Variants in CNTNAP5 observed in about 807,000 individuals in gnomAD.
CNTNAP5 encodes the protein contactin-associated protein-like 5.
CNTNAP5 carries 72 observed loss-of-function variants against 150.2 expected under a neutral mutation model. The ratio of observed to expected loss-of-function variants is 0.48; its 90% CI spans 0.40 to 0.58. The LOEUF is 0.58. CNTNAP5 is among the 20% of genes least tolerant of loss of function. The pLI, the probability that CNTNAP5 is intolerant of heterozygous loss-of-function variation, is 0.00. For synonymous variants in CNTNAP5, 672 were observed against 619.8 expected, an observed-to-expected ratio of 1.08 and a Z score of -1.25; for missense variants, 1,636 against 1,626.2, an observed-to-expected ratio of 1.01 and a Z score of -0.10.
chr2:124,606,243 AATT>A (rs1257970422), intron 11 of CNTNAP5, among the ~76,000 whole-genome samples: 1 of 152,186 alleles, frequency 6.6e-6, no homozygotes, highest in Admixed American at 6.5e-5. Context: ...ATGTAGCTAA[AATT>A]ATTATACAAC....
At chr2:124,567,158 G>A (rs918080630) in intron 11 of CNTNAP5, among the ~76,000 whole-genome samples, 9 of 152,158 alleles carry the variant, frequency 5.9e-5, no homozygotes, top group Non-Finnish European at 8.8e-5. Flanking sequence ...AGGACAGATA[G>A]GATTAACTTT....
At chr2:124,600,279 C>T (rs1438094098) in intron 11 of CNTNAP5, among the ~76,000 whole-genome samples, 1 of 152,004 alleles carries the variant, frequency 6.6e-6, no homozygotes, top group Admixed American at 6.6e-5. Flanking sequence ...AAAACAGCAA[C>T]TTCAGTGATG....
chr2:124,877,485 T>A (rs973601424), intron 21 of CNTNAP5, among the ~76,000 whole-genome samples: 2 of 152,106 alleles, frequency 1.3e-5, no homozygotes, highest in Non-Finnish European at 2.9e-5. Context: ...TAGTGAAGGA[T>A]GTTTTGTGTG....
rs555383966 is a variant in CNTNAP5, at chr2:124,905,117, T to G, written c.3655+2017T>G. 3.6e-4 allele frequency among the ~76,000 whole-genome samples: 40 copies of G among 110,596 alleles called. 1 individual carries two copies. Among genetic ancestry groups the G allele is most frequent in the Middle Eastern group, 4.1e-3 (1 of 242 alleles). The allele number at this position is 110,596 out of a possible 152,430, so 72.6% of individuals were successfully genotyped here. ...AAAGGATGTGAATAGTTTTTTTTTGTTTTTTTTTGTTTTTTTTTTTTTCCA... is the reference window on the plus strand; with the variant it reads ...AAAGGATGTGAATAGTTTTTTTTTGGTTTTTTTTGTTTTTTTTTTTTTCCA... On this transcript the variant is annotated intron_variant, in intron 22 of 23. Coordinates refer to ENST00000682447, the MANE Select transcript of CNTNAP5 (RefSeq NM_001367498.1).
chr2:124,271,180 A>G (rs1687741191), intron 3 of CNTNAP5, among the ~76,000 whole-genome samples: 1 of 152,208 alleles, frequency 6.6e-6, no homozygotes, highest in African/African-American at 2.4e-5. Context: ...AATGGTTTGA[A>G]TAAGTCAGAA....
intron 3 of CNTNAP5, among the ~76,000 whole-genome samples, chr2:124,351,462 A>G (rs1219867721): frequency 2.0e-5 from 3 of 152,184 alleles, no homozygotes; most frequent in Admixed American, 6.5e-5. Flanking sequence ...TAGAACTGTC[A>G]TGGGTTCATC....
At chr2:124,331,609 A>G (rs1278969141) in intron 3 of CNTNAP5, among the ~76,000 whole-genome samples, 2 of 151,982 alleles carry the variant, frequency 1.3e-5, no homozygotes, top group Non-Finnish European at 2.9e-5. Context: ...GGTTTAAAAC[A>G]CTTCATTAAA....
chr2:124,120,736 G>A (rs1683541433), intron 1 of CNTNAP5, among the ~76,000 whole-genome samples: 1 of 152,174 alleles, frequency 6.6e-6, no homozygotes, highest in Non-Finnish European at 1.5e-5. Context: ...AGCAAAAAGA[G>A]TGTAGTGTGC....
chr2:124,799,868 A>C (rs1681929311), intron 19 of CNTNAP5, among the ~76,000 whole-genome samples: 1 of 152,162 alleles, frequency 6.6e-6, no homozygotes. Flanking sequence ...AGAAATAGAG[A>C]CTAGGATGAC....
chr2:124,079,320 G>T (rs755252158), intron 1 of CNTNAP5, among the ~76,000 whole-genome samples: 2 of 152,064 alleles, frequency 1.3e-5, no homozygotes, highest in African/African-American at 4.8e-5. Context: ...ATCACACCAC[G>T]CCTCCTCCAA....
chr2:124,683,536 C>G (rs1021532317), intron 13 of CNTNAP5, among the ~76,000 whole-genome samples: 6 of 152,122 alleles, frequency 3.9e-5, no homozygotes, highest in Non-Finnish European at 7.4e-5. Flanking sequence ...TCTTACCTGC[C>G]TCCCACCCTT....
chr2:124,753,316 T>C (rs182610383), intron 14 of CNTNAP5, among the ~76,000 whole-genome samples: 29 of 152,346 alleles, frequency 1.9e-4, no homozygotes, highest in Non-Finnish European at 2.8e-4. Context: ...TCTACTTTTC[T>C]GTTACAGAGA....
intron 13 of CNTNAP5, among the ~76,000 whole-genome samples, chr2:124,715,830 T>G (rs12619688): frequency 0.017 from 2,526 of 152,252 alleles, 55 homozygotes; most frequent in African/African-American, 0.052. Flanking sequence ...GTCTGCCACC[T>G]CGTCTAATAG....
chr2:124,354,783 T>C (rs1483558419), intron 3 of CNTNAP5, among the ~76,000 whole-genome samples: 2 of 152,212 alleles, frequency 1.3e-5, no homozygotes, highest in East Asian at 3.8e-4. Flanking sequence ...ATAGGTAATC[T>C]AGTTTTCATT....
chr2:124,438,966 A>G (rs1216003665), intron 5 of CNTNAP5, among the ~76,000 whole-genome samples: 1 of 152,204 alleles, frequency 6.6e-6, no homozygotes, highest in Non-Finnish European at 1.5e-5. Flanking sequence ...AGCTGTAGAT[A>G]TGGGATTATA....
At chr2:124,749,337 C>G (rs1307172210) in intron 14 of CNTNAP5, among the ~76,000 whole-genome samples, 1 of 149,438 alleles carries the variant, frequency 6.7e-6, no homozygotes, top group Non-Finnish European at 1.5e-5. Context: ...CCCCTCCCCT[C>G]CCCTCCCTCC....
At chr2:124,890,131 C>A (rs1031520280) in intron 21 of CNTNAP5, among the ~76,000 whole-genome samples, 2 of 152,018 alleles carry the variant, frequency 1.3e-5, no homozygotes, top group Admixed American at 6.6e-5. Context: ...CTTGTCCAAG[C>A]TTTCTCTAGT....
chr2:124,657,274 A>G (rs1446003687), intron 13 of CNTNAP5, among the ~76,000 whole-genome samples: 8 of 152,082 alleles, frequency 5.3e-5, no homozygotes, highest in Non-Finnish European at 1.2e-4. Flanking sequence ...AGTTAGGTCT[A>G]TGTTCCTCTC....
intron 13 of CNTNAP5, among the ~76,000 whole-genome samples, chr2:124,730,828 A>T (rs548918199): frequency 6.6e-6 from 1 of 152,198 alleles, no homozygotes; most frequent in South Asian, 2.1e-4. Flanking sequence ...ATTTTTTGTT[A>T]TATACCCTGT....
Sources: allele counts gnomAD v4.1 joint callset (sites outside exome capture counted in the v4.1 genomes callset), GRCh38; gene constraint gnomAD v4.1.1; transcripts MANE v1.5; gene names NCBI Gene and HGNC (gene_info 2026-07-23, HGNC 2026-07-21).